The following DAGLA variants were observed in gnomAD, a reference collection of about 807,000 sequenced individuals.
The protein encoded by DAGLA is diacylglycerol lipase alpha.
Under a neutral mutation model 102.6 loss-of-function variants are expected in DAGLA, and 22 were observed. The observed-to-expected ratio is 0.21, with a 90% CI of 0.15 to 0.31. DAGLA has a LOEUF of 0.31. Ranked by LOEUF, DAGLA falls within the 10% of genes least tolerant of loss-of-function variation. The pLI is 1.00. For synonymous variants in DAGLA, 578 were observed against 628.9 expected (o/e 0.92, Z 1.21); for missense variants, 927 against 1,446.6 (o/e 0.64, Z 5.83).
chr11:61,698,992 G>A (rs551399110), intron 1 of DAGLA, among the ~76,000 whole-genome samples: 8 of 152,232 alleles, frequency 5.3e-5, no homozygotes, highest in South Asian at 2.1e-4. Context: ...CATGCAGACC[G>A]CCTGCAGAGC....
intron 19 of DAGLA, among the ~76,000 whole-genome samples, chr11:61,742,144 T>C (rs1052903317): frequency 6.6e-6 from 1 of 152,128 alleles, no homozygotes; most frequent in Non-Finnish European, 1.5e-5. Context: ...TGAATACACC[T>C]GTGCACAGAC....
intron 1 of DAGLA, among the ~76,000 whole-genome samples, chr11:61,685,161 G>A (rs1350761967): frequency 2.0e-5 from 3 of 152,158 alleles, no homozygotes; most frequent in South Asian, 2.1e-4. Flanking sequence ...GGAACCTCAC[G>A]GACCCAGATT....
intron 1 of DAGLA, among the ~76,000 whole-genome samples, chr11:61,712,670 C>T (rs368428826): frequency 2.6e-5 from 4 of 152,188 alleles, no homozygotes; most frequent in Non-Finnish European, 4.4e-5. Context: ...AGGCTGGTGG[C>T]GCACGTGGCC....
At chr11:61,700,103 C>T (rs752839893) in intron 1 of DAGLA, among the ~76,000 whole-genome samples, 8 of 152,194 alleles carry the variant, frequency 5.3e-5, no homozygotes, top group Non-Finnish European at 5.9e-5. Flanking sequence ...GCATGCCTGG[C>T]GTGCCAGGGC....
chr11:61,733,891 G>T (rs933911557), intron 9 of DAGLA, among the ~76,000 whole-genome samples: 1 of 151,896 alleles, frequency 6.6e-6, no homozygotes, highest in Admixed American at 6.6e-5. Context: ...AGATGAGGTG[G>T]CAAGAGAGAC....
At chr11:61,737,621 C>T in intron 14 of DAGLA, 66 bp from the exon 15 acceptor site, 5 of 1,468,480 alleles carry the variant, frequency 3.4e-6, no homozygotes, top group Admixed American at 1.7e-5. Context: ...TGGCTGGGCC[C>T]CCCGATTCCG....
intron 5 of DAGLA, among the ~76,000 whole-genome samples, chr11:61,724,682 C>T (rs1176245329): frequency 6.6e-6 from 1 of 152,214 alleles, no homozygotes; most frequent in Admixed American, 6.5e-5. Flanking sequence ...GGCCACGTCC[C>T]AGCCCAAAAT....
intron 1 of DAGLA, among the ~76,000 whole-genome samples, chr11:61,711,696 A>G (rs2065195448): frequency 6.6e-6 from 1 of 152,224 alleles, no homozygotes; most frequent in South Asian, 2.1e-4. Flanking sequence ...GCAGATGGCA[A>G]ATTCTGCTCA....
rs746432570 is a variant in DAGLA, at chr11:61,743,965, C to T, written c.2605C>T (p.Arg869Trp). 6.6e-5 allele frequency: 107 copies of T among 1,611,608 alleles called. No homozygotes were observed. The highest frequency in any genetic ancestry group is 8.9e-5 in the East Asian group (4 of 44,886). The change falls in exon 20 of 20, where the codon CGG becomes TGG. Residue 869 changes from arginine to tryptophan, a missense_variant. Physicochemically the swap from Arg to Trp is moderately radical, Grantham distance 101 (BLOSUM62 -3). Around this residue, in one of 4 missense-constraint regions of DAGLA, gnomAD observed 434 missense variants for 503.3 expected, o/e 0.86. Coordinates refer to ENST00000257215, the MANE Select transcript of DAGLA (RefSeq NM_006133.3). ...GGGCAGTGGCGGCGTCACTCCTGAG[C>T]GGCCCCCCAGTGCTGCGGCCAATGA... is the stretch of plus-strand genomic sequence containing the variant. ...ALGSGGVTPE[R>W]PPSAAANDEE...
At position 61,686,468 on chromosome 11, in the gene DAGLA, G is replaced by A. The variant is rs1047105473; in HGVS notation, c.-45+5964G>A. ...TCACCAAATTACCCCTTGAAATTTCGCCTGCCTGAGTTCAGCCCAGGAGGT... is the reference window on the plus strand; with the variant it reads ...TCACCAAATTACCCCTTGAAATTTCACCTGCCTGAGTTCAGCCCAGGAGGT... On this transcript the variant is annotated intron_variant, in intron 1 of 19. Transcript: ENST00000257215. The surrounding 1 kb of genome is among the most constrained non-coding windows in gnomAD (Gnocchi z 5.2). Among the ~76,000 whole-genome samples the A allele has an allele frequency of 6.6e-5, 10 of 152,302 alleles. No homozygotes were observed. In the East Asian group the frequency reaches 1.3e-3, roughly 21 times the overall value.
chr11:61,718,595 C>T (rs1265029961), intron 1 of DAGLA, among the ~76,000 whole-genome samples: 4 of 149,024 alleles, frequency 2.7e-5, no homozygotes, highest in African/African-American at 5.0e-5. Context: ...CCACAGACCA[C>T]CCCCCACCCC....
intron 10 of DAGLA, among the ~76,000 whole-genome samples, chr11:61,735,327 G>A (rs1486493598): frequency 3.9e-5 from 6 of 152,190 alleles, no homozygotes; most frequent in South Asian, 4.1e-4. Context: ...GGGGCAAGTG[G>A]TGGCACTCAG....
intron 1 of DAGLA, among the ~76,000 whole-genome samples, chr11:61,716,652 G>A (rs2065237999): frequency 6.6e-6 from 1 of 152,222 alleles, no homozygotes; most frequent in Admixed American, 6.5e-5. Context: ...CGAGGCATAT[G>A]CCTGAGGTTG....
At chr11:61,713,719 C>A (rs1252276915) in intron 1 of DAGLA, among the ~76,000 whole-genome samples, 1 of 152,216 alleles carries the variant, frequency 6.6e-6, no homozygotes, top group Non-Finnish European at 1.5e-5. Context: ...AGCCTCTGAA[C>A]ACAACGCCTC....
intron 1 of DAGLA, among the ~76,000 whole-genome samples, chr11:61,691,791 T>C (rs1202741118): frequency 6.6e-6 from 1 of 152,260 alleles, no homozygotes; most frequent in African/African-American, 2.4e-5. Context: ...TCTGGCTGCC[T>C]GTTGCAGCTC....
rs1349860471 is a variant in DAGLA at position 61,696,904 on chromosome 11, G to A, written c.-45+16400G>A. Reference sequence around the variant, plus strand: ...AGTGGCAGCAGAGCTGCGTGGGGTGGGATGGGAGGTGTGGATCTGGGTGGT... The same window carrying A: ...AGTGGCAGCAGAGCTGCGTGGGGTGAGATGGGAGGTGTGGATCTGGGTGGT... On this transcript the variant is annotated intron_variant, in intron 1 of 19. Coordinates refer to ENST00000257215, the MANE Select transcript of DAGLA (RefSeq NM_006133.3). Among the ~76,000 whole-genome samples, 5 of 152,236 alleles carry A rather than the reference G, an allele frequency of 3.3e-5. No homozygotes were observed. The Middle Eastern group carries it at 0.014, about 414-fold the overall frequency.
chr11:61,685,862 C>A (rs2064982534), intron 1 of DAGLA, among the ~76,000 whole-genome samples: 1 of 152,042 alleles, frequency 6.6e-6, no homozygotes, highest in Non-Finnish European at 1.5e-5. Flanking sequence ...TGCTGCCCGT[C>A]TGTTGTGTGC....
At chr11:61,693,598 C>T (rs1453506358) in intron 1 of DAGLA, among the ~76,000 whole-genome samples, 4 of 152,198 alleles carry the variant, frequency 2.6e-5, no homozygotes, top group African/African-American at 9.6e-5. Flanking sequence ...CCGCCTCCCT[C>T]GGCCTCCCAA....
intron 1 of DAGLA, among the ~76,000 whole-genome samples, chr11:61,702,267 T>C (rs1475377732): frequency 6.6e-6 from 1 of 152,066 alleles, no homozygotes; most frequent in Non-Finnish European, 1.5e-5. Flanking sequence ...AAGCTGAACA[T>C]GTTAGGTTTC....
Sources: allele counts gnomAD v4.1 joint callset (sites outside exome capture counted in the v4.1 genomes callset), GRCh38; gene constraint gnomAD v4.1.1; regional missense constraint gnomAD v4.1.1; non-coding constraint Gnocchi (gnomAD v3.1); transcripts MANE v1.5; gene names NCBI Gene and HGNC (gene_info 2026-07-23, HGNC 2026-07-21).